Variants in BICRAL observed in about 807,000 individuals in gnomAD.
The protein encoded by BICRAL is BICRA like chromatin remodeling complex associated protein.
In BICRAL, 8 loss-of-function variants were observed where a neutral mutation model predicts 91.8. That is an observed-to-expected ratio of 0.09 (90% CI 0.05 to 0.16). The LOEUF (loss-of-function observed/expected upper bound fraction) is 0.16, where lower values mean the gene tolerates loss of function less well. Among genes scored for constraint, BICRAL ranks in the 10% least tolerant of loss-of-function variants. The pLI is 1.00. For synonymous variants in BICRAL, 445 were observed against 491.1 expected, an observed-to-expected ratio of 0.91 and a Z score of 1.24; for missense variants, 1,038 against 1,310.9, an observed-to-expected ratio of 0.79 and a Z score of 3.21.
intron 5 of BICRAL, among the ~76,000 whole-genome samples, chr6:42,825,000 C>T (rs534503484): frequency 6.6e-6 from 1 of 152,328 alleles, no homozygotes; most frequent in South Asian, 2.1e-4. Flanking sequence ...GTGGCTTACG[C>T]CTCTAATCCC....
Position 42,865,633 on chromosome 6 carries a change from G to A in BICRAL, c.*187G>A. 1.8e-6 allele frequency: 1 copy of A among 561,868 alleles called. No individual in the cohort carries two copies. Among genetic ancestry groups the A allele is most frequent in the Non-Finnish European group, 3.1e-6 (1 of 317,596 alleles). 34.8% of individuals were successfully genotyped at this position (561,868 alleles called of 1,614,324 possible). A position where few individuals can be genotyped will look rare whatever the true frequency, so the allele number is the denominator to read the frequency against. The stretch of plus-strand genomic sequence containing the variant: ...TTTGTTTAAGAGCAATACTTGTCGT[G>A]ATTACAGGGAGATCCTTTAGTAAAA... On this transcript the variant is annotated 3_prime_UTR_variant, in exon 13 of 13. Transcript: ENST00000314073.
At chr6:42,799,507 G>A (rs1681626387) in intron 1 of BICRAL, among the ~76,000 whole-genome samples, 1 of 151,298 alleles carries the variant, frequency 6.6e-6, no homozygotes, top group Non-Finnish European at 1.5e-5. Flanking sequence ...TGTTAGCCAG[G>A]ATGGTCTTGA....
chr6:42,845,195 G>GGTTTTTTTTTTT lies in BICRAL; in HGVS notation c.1840-6897_1840-6896insGTTTTTTTTTTT, dbSNP rs1562490931. Among the ~76,000 whole-genome samples the GGTTTTTTTTTTT allele has an allele frequency of 1.9e-3, 48 of 25,612 alleles. 14 individuals carry two copies. Among genetic ancestry groups the GGTTTTTTTTTTT allele is most frequent in the South Asian group, 5.4e-3 (3 of 556 alleles). The allele number at this position is 25,612 out of a possible 152,430, so 16.8% of individuals were successfully genotyped here. On this transcript the variant is annotated intron_variant, in intron 6 of 12. Transcript: ENST00000314073. ...CTTCTCTGTTTTTTGTTTTTTGGGT[G>GGTTTTTTTTTTT]TTTTTTTTTTTTTTTTTTTTTTTTT...
chr6:42,782,918 C>G (rs910787529), intron 1 of BICRAL, among the ~76,000 whole-genome samples: 1 of 150,108 alleles, frequency 6.7e-6, no homozygotes, highest in Non-Finnish European at 1.5e-5. Context: ...CTCTCGGAAG[C>G]TCTAGGGTGT....
At position 42,853,729 on chromosome 6, in the gene BICRAL, A is replaced by G; in HGVS notation, c.2037A>G (p.Pro679=). ...EKVVGSSPGH[P]AVQVESHSGG... Reference sequence around the variant, plus strand: ...TAGTTGGATCATCTCCTGGCCATCCAGCTGTGCAGGTAGAAAACTATTGGC... The same window carrying G: ...TAGTTGGATCATCTCCTGGCCATCCGGCTGTGCAGGTAGAAAACTATTGGC... Residue 679 remains proline, a synonymous_variant, in exon 8 of 13, where the codon CCA becomes CCG. Transcript: ENST00000314073. 1 of 1,608,182 alleles carries G rather than the reference A, an allele frequency of 6.2e-7. No homozygotes were observed. Among genetic ancestry groups the G allele is most frequent in the South Asian group, 1.1e-5 (1 of 90,992 alleles).
chr6:42,832,541 C>G (rs996095900), intron 6 of BICRAL, among the ~76,000 whole-genome samples: 1 of 149,372 alleles, frequency 6.7e-6, no homozygotes, highest in Non-Finnish European at 1.5e-5. Context: ...TAAGGATGTT[C>G]AGTTTATTTG....
Position 42,822,844 on chromosome 6 carries a change from T to G in BICRAL, c.90T>G (p.Ser30=). The change falls in exon 4 of 13, where the codon TCT becomes TCG. Residue 30 remains serine, a splice_region_variant and synonymous_variant. Transcript: ENST00000314073. ...TTCTACATGGACCTAGTAATAAATC[T>G]GTAAGTAATGCATAGAATACCACAG... The part of the protein sequence containing the change: ...NYFLHGPSNK[S]SNDDLTNAGY... 1 of 1,555,520 alleles carries G rather than the reference T, an allele frequency of 6.4e-7. No homozygotes were observed. The highest frequency in any genetic ancestry group is 1.1e-5 in the South Asian group (1 of 89,780).
chr6:42,802,480 C>T (rs1212221646), intron 1 of BICRAL, among the ~76,000 whole-genome samples: 1 of 151,274 alleles, frequency 6.6e-6, no homozygotes, highest in African/African-American at 2.4e-5. Context: ...TGGAGTTTCG[C>T]CCTTGTTGCC....
upstream of BICRAL, among the ~76,000 whole-genome samples, chr6:42,779,011 G>A (rs576496309): frequency 6.6e-6 from 1 of 151,642 alleles, no homozygotes; most frequent in South Asian, 2.1e-4. Context: ...GTTTTTGGTA[G>A]AGATGGGGTT....
intron 7 of BICRAL, among the ~76,000 whole-genome samples, 159 bp from the exon 8 acceptor site, chr6:42,853,479 A>G (rs1273428393): frequency 6.6e-6 from 1 of 152,202 alleles, no homozygotes; most frequent in Non-Finnish European, 1.5e-5. Flanking sequence ...GCTTGTAAGT[A>G]AATGCACTAC....
chr6:42,867,924 C>T lies in BICRAL; in HGVS notation c.*2478C>T, dbSNP rs748685389. On this transcript the variant is annotated 3_prime_UTR_variant, in exon 13 of 13. Transcript: ENST00000314073. ...ATTTCACTCCTGTGATTAGGTTCTACGCACATGGGTCATAACTCGCATGTC... is the reference window on the plus strand; with the variant it reads ...ATTTCACTCCTGTGATTAGGTTCTATGCACATGGGTCATAACTCGCATGTC... 2 of 152,546 alleles carry T rather than the reference C, an allele frequency of 1.3e-5. No individual in the cohort carries two copies. Among genetic ancestry groups the T allele is most frequent in the African/African-American group, 2.4e-5 (1 of 41,430 alleles). 9.4% of individuals were successfully genotyped at this position (152,546 alleles called of 1,614,324 possible). A position where few individuals can be genotyped will look rare whatever the true frequency, so the allele number is the denominator to read the frequency against.
At position 42,834,905 on chromosome 6, in the gene BICRAL, A is replaced by G. The variant is rs574459796; in HGVS notation, c.1839+4733A>G. ...TGGAGAACAATATTTAGAAACCAAGATCTAAGCATTATGTGTGTTCATTGC... is the reference window on the plus strand; with the variant it reads ...TGGAGAACAATATTTAGAAACCAAGGTCTAAGCATTATGTGTGTTCATTGC... On this transcript the variant is annotated intron_variant, in intron 6 of 12. Coordinates refer to ENST00000314073, the MANE Select transcript of BICRAL (RefSeq NM_001393499.1). Among the ~76,000 whole-genome samples, 22 of 152,296 alleles carry G rather than the reference A, an allele frequency of 1.4e-4. No individual in the cohort carries two copies. The South Asian group carries it at 4.3e-3, about 30-fold the overall frequency.
chr6:42,858,025 G>T (rs1267906011), intron 10 of BICRAL, among the ~76,000 whole-genome samples: 14 of 148,926 alleles, frequency 9.4e-5, no homozygotes, highest in Non-Finnish European at 1.8e-4. Context: ...TGGCCAGGCT[G>T]GTCTTGAACT....
At chr6:42,765,146 T>C (rs1053294197) in intron 1 of BICRAL, among the ~76,000 whole-genome samples, 1 of 152,172 alleles carries the variant, frequency 6.6e-6, no homozygotes, top group Non-Finnish European at 1.5e-5. Context: ...GAGAACCTAT[T>C]TGTGCTGCAG....
chr6:42,828,570 A>G lies in BICRAL; in HGVS notation c.237A>G (p.Ser79=). 1 of 1,614,100 alleles carries G rather than the reference A, an allele frequency of 6.2e-7. No homozygotes were observed. The highest frequency in any genetic ancestry group is 8.5e-7 in the Non-Finnish European group (1 of 1,179,998). The change falls in exon 6 of 13, where the codon TCA becomes TCG. Residue 79 remains serine, a synonymous_variant. Transcript: ENST00000314073. ...GEGPSDGLPL[S]SSLQFLEDEL... ...GGCCCAGTGATGGACTGCCACTTTC[A>G]AGTAGCCTCCAGTTTCTTGAAGATG... is the stretch of plus-strand genomic sequence containing the variant.
intron 2 of BICRAL, 150 bp from the exon 3 acceptor site, chr6:42,821,868 T>A (rs1186114314): frequency 2.2e-6 from 1 of 458,530 alleles, no homozygotes; most frequent in Non-Finnish European, 3.9e-6. Flanking sequence ...TCAAAATTTT[T>A]AAAATTACAT....
intron 5 of BICRAL, among the ~76,000 whole-genome samples, chr6:42,825,298 C>T (rs1358032666): frequency 6.8e-6 from 1 of 146,742 alleles, no homozygotes; most frequent in African/African-American, 2.5e-5. Flanking sequence ...GGCGCGGTGG[C>T]TCACGCCTGT....
chr6:42,831,787 A>G (rs1401390361), intron 6 of BICRAL, among the ~76,000 whole-genome samples: 1 of 150,540 alleles, frequency 6.6e-6, no homozygotes, highest in African/African-American at 2.5e-5. Context: ...TGCCCAGGCT[A>G]GCATGCAGTG....
chr6:42,815,423 C>A (rs1763964860), intron 2 of BICRAL, among the ~76,000 whole-genome samples: 1 of 151,892 alleles, frequency 6.6e-6, no homozygotes, highest in Non-Finnish European at 1.5e-5. Flanking sequence ...AACTCCTGAC[C>A]TCAGGTGATC....
Sources: allele counts gnomAD v4.1 joint callset (sites outside exome capture counted in the v4.1 genomes callset), GRCh38; gene constraint gnomAD v4.1.1; transcripts MANE v1.5; gene names NCBI Gene and HGNC (gene_info 2026-07-23, HGNC 2026-07-21).